The following STPG2 variants were observed in gnomAD, a reference collection of about 807,000 sequenced individuals.
The protein encoded by STPG2 is sperm-tail PG-rich repeat-containing protein 2.
STPG2 carries 56 observed loss-of-function variants against 54.2 expected under a neutral mutation model. The observed-to-expected ratio is 1.03, with a 90% CI of 0.83 to 1.29. STPG2 has a LOEUF of 1.29. STPG2 is among the 50% of genes most tolerant of loss of function. STPG2 has a pLI of 0.00. For missense variants in STPG2, 596 were observed against 544.9 expected, an observed-to-expected ratio of 1.09 and a Z score of -0.93; for synonymous variants, 200 against 181.8, an observed-to-expected ratio of 1.10 and a Z score of -0.81.
At chr4:97,710,705 T>C (rs193115442) in intron 10 of STPG2, among the ~76,000 whole-genome samples, 1 of 152,098 alleles carries the variant, frequency 6.6e-6, no homozygotes, top group Admixed American at 6.6e-5. Flanking sequence ...AACAAGTTAA[T>C]AATAAAGAGA....
At chr4:97,591,344 C>T (rs192859195) in intron 10 of STPG2, among the ~76,000 whole-genome samples, 6 of 152,110 alleles carry the variant, frequency 3.9e-5, no homozygotes, top group Admixed American at 3.9e-4. Flanking sequence ...TAAGGGTTTA[C>T]TCTGGTAGCA....
intron 8 of STPG2, among the ~76,000 whole-genome samples, chr4:97,870,047 A>G (rs1423567452): frequency 6.6e-6 from 1 of 151,606 alleles, no homozygotes; most frequent in Non-Finnish European, 1.5e-5. Context: ...GTGCTAATTT[A>G]TATTTAACAT....
At chr4:97,876,132 G>C (rs575689860) in intron 8 of STPG2, among the ~76,000 whole-genome samples, 1 of 151,988 alleles carries the variant, frequency 6.6e-6, no homozygotes, top group Non-Finnish European at 1.5e-5. Flanking sequence ...ATGCTAAAAA[G>C]TCTGTCTTCC....
intron 9 of STPG2, among the ~76,000 whole-genome samples, chr4:97,754,022 A>C (rs539854468): frequency 1.6e-4 from 24 of 152,066 alleles, no homozygotes; most frequent in Non-Finnish European, 3.2e-4. Flanking sequence ...TTTTGATGTC[A>C]TATCCATGCA....
chr4:98,141,960 A>AAAC (rs1740297112), intron 1 of STPG2, among the ~76,000 whole-genome samples: 7 of 151,764 alleles, frequency 4.6e-5, no homozygotes, highest in Admixed American at 4.6e-4. Flanking sequence ...AAAAAAAAAA[A>AAAC]AACAGGAGGA....
chr4:97,470,380 G>A (rs1249551704), intron 4 of STPG2, among the ~76,000 whole-genome samples: 1 of 151,966 alleles, frequency 6.6e-6, no homozygotes, highest in East Asian at 1.9e-4. Flanking sequence ...AAATTATTTT[G>A]CAAGGAAGAA....
chr4:97,615,307 T>G (rs1427305539), intron 10 of STPG2, among the ~76,000 whole-genome samples: 1 of 152,136 alleles, frequency 6.6e-6, no homozygotes, highest in Non-Finnish European at 1.5e-5. Context: ...CCATGCATAG[T>G]TTTTTCAAAA....
chr4:97,480,135 T>C (rs1428790774), intron 4 of STPG2, among the ~76,000 whole-genome samples: 3 of 151,670 alleles, frequency 2.0e-5, no homozygotes, highest in Non-Finnish European at 4.4e-5. Context: ...TACAGATCTA[T>C]AGATATTAGA....
intron 5 of STPG2, among the ~76,000 whole-genome samples, chr4:98,003,267 A>C (rs1735469246): frequency 6.6e-6 from 1 of 152,146 alleles, no homozygotes; most frequent in African/African-American, 2.4e-5. Flanking sequence ...GGGTGTTTCA[A>C]CTTGGAAGAC....
intron 8 of STPG2, among the ~76,000 whole-genome samples, chr4:97,904,927 G>A (rs1194050841): frequency 6.6e-6 from 1 of 152,058 alleles, no homozygotes; most frequent in Non-Finnish European, 1.5e-5. Flanking sequence ...AAAGAAACGA[G>A]CAAAGCCTCC....
At chr4:98,062,235 G>A (rs934948443) in intron 5 of STPG2, among the ~76,000 whole-genome samples, 1 of 148,176 alleles carries the variant, frequency 6.7e-6, no homozygotes, top group African/African-American at 2.5e-5. Flanking sequence ...GTATAAGTGG[G>A]AGCAAAATAA....
rs367932064 is a variant in STPG2 at position 97,499,142 on chromosome 4, TATC to T, written c.462+213554_462+213556del. On this transcript the variant is annotated intron_variant, in intron 4 of 4. Coordinates refer to the STPG2 transcript ENST00000522676. ...ATACAGGGAAATATCAGTGAGAAAG[TATC>T]ATCAAGAGTTTCTATCTTCAGGCAC... Among the ~76,000 whole-genome samples the T allele has an allele frequency of 1.9e-3, 290 of 152,078 alleles. 1 individual carries two copies. Among genetic ancestry groups the T allele is most frequent in the African/African-American group, 6.5e-3 (268 of 41,532 alleles).
chr4:97,961,681 G>C (rs1395040272), intron 7 of STPG2, among the ~76,000 whole-genome samples: 1 of 152,046 alleles, frequency 6.6e-6, no homozygotes, highest in South Asian at 2.1e-4. Flanking sequence ...CTGCAAGAAT[G>C]GCCATAATCA....
intron 8 of STPG2, among the ~76,000 whole-genome samples, chr4:97,849,423 A>G (rs1729078236): frequency 6.6e-6 from 1 of 151,900 alleles, no homozygotes; most frequent in Non-Finnish European, 1.5e-5. Flanking sequence ...GACAAATAGG[A>G]TCTCATTAAA....
At chr4:97,977,291 C>G (rs1302643904) in intron 6 of STPG2, among the ~76,000 whole-genome samples, 1 of 152,120 alleles carries the variant, frequency 6.6e-6, no homozygotes, top group African/African-American at 2.4e-5. Context: ...ACTGCTATAA[C>G]TAATCAAATT....
Position 97,640,695 on chromosome 4 carries a change from G to A in STPG2, c.1320+72004C>T, listed in dbSNP as rs1721737994. Among the ~76,000 whole-genome samples the A allele has an allele frequency of 3.3e-5, 5 of 151,148 alleles. 1 individual carries two copies. The highest frequency in any genetic ancestry group is 3.3e-4 in the Admixed American group (5 of 15,156). On this transcript the variant is annotated intron_variant, in intron 10 of 10. Transcript: ENST00000295268. ...TCAAAAGGTAAAAGAACATGAAGAA[G>A]TAAATATAAACAAAAAATTTATAAT...
At chr4:97,749,561 G>T (rs1269596327) in intron 9 of STPG2, among the ~76,000 whole-genome samples, 1 of 151,560 alleles carries the variant, frequency 6.6e-6, no homozygotes, top group Non-Finnish European at 1.5e-5. Flanking sequence ...GTAAAAGTAG[G>T]CCAAAGTAAA....
intron 5 of STPG2, among the ~76,000 whole-genome samples, chr4:98,029,699 T>C (rs1367294191): frequency 2.0e-5 from 3 of 152,174 alleles, no homozygotes; most frequent in African/African-American, 4.8e-5. Flanking sequence ...ATATTGGTAC[T>C]TTCCAGAGGC....
rs552787651 is a variant in STPG2, at chr4:98,075,490, G to T, written c.612+30463C>A. Among the ~76,000 whole-genome samples the T allele has an allele frequency of 2.0e-5, 3 of 152,274 alleles. No homozygotes were observed. The South Asian group carries it at 6.2e-4, about 32-fold the overall frequency. On this transcript the variant is annotated intron_variant, in intron 5 of 10. Coordinates refer to ENST00000295268, the MANE Select transcript of STPG2 (RefSeq NM_174952.3). The stretch of plus-strand genomic sequence containing the variant: ...TTACAAATAAAAAGATGCCTTGATA[G>T]AAAAAGTTTCAGAGAATGTCAGGTT...
Sources: allele counts gnomAD v4.1 joint callset (sites outside exome capture counted in the v4.1 genomes callset), GRCh38; gene constraint gnomAD v4.1.1; transcripts MANE v1.5; gene names NCBI Gene and HGNC (gene_info 2026-07-23, HGNC 2026-07-21).